Variants in TNKS2 observed in about 807,000 individuals in gnomAD.
The protein encoded by TNKS2 is poly [ADP-ribose] polymerase tankyrase-2.
In TNKS2, 72 loss-of-function variants were observed where a neutral mutation model predicts 137.6. The observed-to-expected ratio is 0.52, with a 90% confidence interval of 0.43 to 0.64. The LOEUF (loss-of-function observed/expected upper bound fraction) is 0.64. Ranked by LOEUF, TNKS2 falls within the 30% of genes least tolerant of loss-of-function variation. The probability of loss-of-function intolerance (pLI) is 0.00; values close to 1 mark genes in which losing one functional copy is unlikely to be tolerated. For missense variants in TNKS2, 1,049 were observed against 1,410.2 expected (o/e 0.74, Z 4.10); for synonymous variants, 516 against 512.1 (o/e 1.01, Z -0.10).
At chr10:91,855,715 T>A in intron 23 of TNKS2, 27 bp downstream of exon 23, 1 of 1,549,156 alleles carries the variant, frequency 6.5e-7, no homozygotes, top group Non-Finnish European at 8.9e-7. Flanking sequence ...AGTAAAGTTT[T>A]CTGAGACTGT....
intron 13 of TNKS2, 24 bp from the exon 14 acceptor site, chr10:91,840,537 T>G (rs201946788): frequency 4.4e-6 from 7 of 1,595,636 alleles, no homozygotes; most frequent in Non-Finnish European, 6.0e-6. Flanking sequence ...TGTAGTATCA[T>G]GTATGTTGTG....
At chr10:91,821,701 A>T (rs1490884713) in intron 6 of TNKS2, among the ~76,000 whole-genome samples, 1 of 152,238 alleles carries the variant, frequency 6.6e-6, no homozygotes, top group African/African-American at 2.4e-5. Flanking sequence ...AAAAAGTTTT[A>T]AAAATGAGCC....
intron 2 of TNKS2, among the ~76,000 whole-genome samples, chr10:91,814,704 A>G (rs1246040479): frequency 1.3e-5 from 2 of 152,220 alleles, no homozygotes; most frequent in African/African-American, 4.8e-5. Context: ...AGTATTCGGT[A>G]CAGTAACATG....
chr10:91,862,828 C>A (rs1464420649), intron 26 of TNKS2, 109 bp from the exon 27 acceptor site: 2 of 700,220 alleles, frequency 2.9e-6, no homozygotes, highest in African/African-American at 1.8e-5. Context: ...TTCTGATCTA[C>A]AACAGTAATT....
In TNKS2 at chr10:91,808,206, G is replaced by T. The variant is rs116200717; in HGVS notation, c.200-4777G>T. ...GGACTATTTTAGATGGGATGGTCAG[G>T]GATAGCCTTCTTAAGGAGGTGACAT... is the stretch of plus-strand genomic sequence containing the variant. On this transcript the variant is annotated intron_variant, in intron 1 of 26. Transcript: ENST00000371627. Among the ~76,000 whole-genome samples, 1,448 of 151,762 alleles carry T rather than the reference G, an allele frequency of 9.5e-3. 15 individuals carry two copies. Among genetic ancestry groups the T allele is most frequent in the African/African-American group, 0.033 (1,368 of 41,358 alleles).
intron 26 of TNKS2, 121 bp from the exon 27 acceptor site, chr10:91,862,816 G>C: frequency 1.6e-6 from 1 of 637,600 alleles, no homozygotes; most frequent in South Asian, 2.1e-5. Context: ...GTCCCTAGAT[G>C]ATTCTGATCT....
intron 9 of TNKS2, among the ~76,000 whole-genome samples, chr10:91,830,312 G>A (rs988612341): frequency 1.9e-4 from 29 of 152,142 alleles, no homozygotes; most frequent in African/African-American, 6.5e-4. Flanking sequence ...CCACCTCCCA[G>A]GTTCAAGTGA....
intron 21 of TNKS2, among the ~76,000 whole-genome samples, chr10:91,853,062 T>C (rs191496755): frequency 5.9e-5 from 9 of 152,346 alleles, no homozygotes; most frequent in African/African-American, 2.2e-4. Context: ...GTTGTAACTC[T>C]ACTGGAATAA....
chr10:91,849,328 C>A (rs190152788), intron 19 of TNKS2, among the ~76,000 whole-genome samples, 184 bp from the exon 20 acceptor site: 5 of 152,150 alleles, frequency 3.3e-5, no homozygotes, highest in African/African-American at 1.2e-4. Context: ...GAGACTGCCC[C>A]ATTGATTAGC....
chr10:91,845,452 A>G (rs1416541911), intron 17 of TNKS2, among the ~76,000 whole-genome samples: 1 of 152,226 alleles, frequency 6.6e-6, no homozygotes, highest in Non-Finnish European at 1.5e-5. Flanking sequence ...TGCTTTATAA[A>G]TTGACATTTA....
chr10:91,831,332 CT>C, intron 11 of TNKS2, 151 bp downstream of exon 11: 1 of 725,190 alleles, frequency 1.4e-6, no homozygotes, highest in Non-Finnish European at 2.3e-6. Context: ...TGCAGGTAAC[CT>C]TTTCTATATC....
Position 91,841,399 on chromosome 10 carries a change from A to G in TNKS2, c.1790A>G (p.His597Arg), listed in dbSNP as rs1235700081. 6.2e-7 allele frequency: 1 copy of G among 1,609,288 alleles called. No homozygotes were observed. Among genetic ancestry groups the G allele is most frequent in the Admixed American group, 1.7e-5 (1 of 59,312 alleles). The change falls in exon 15 of 27, where the codon CAT (histidine) becomes CGT (arginine). Residue 597 changes from histidine (H) to arginine (R), a missense_variant. His to Arg is a conservative substitution (Grantham distance 29). Around this residue, in one of 6 missense-constraint regions of TNKS2, gnomAD observed 328 missense variants for 436.0 expected, o/e 0.75. Transcript: ENST00000371627. ...GATTTATGGAAATTTACACCTTTAC[A>G]TGAAGCAGCAGCAAAAGGAAAATAT... ...VADLWKFTPL[H>R]EAAAKGKYEI...
In TNKS2 at chr10:91,844,942, G is replaced by A. The variant is rs1564624230; in HGVS notation, c.2083G>A (p.Ala695Thr). The change falls in exon 17 of 27, where the codon GCA becomes ACA. Residue 695 changes from alanine (A) to threonine (T), a missense_variant. By Grantham distance (58) the Ala-to-Thr change is moderately conservative. Transcript: ENST00000371627. ...LAAGYNNLEV[A>T]EYLLQHGADV... ...AGCTGGTTATAATAATTTAGAAGTT[G>A]CAGAGTATTTGTTACAACACGGAGC... 1.9e-6 allele frequency: 3 copies of A among 1,611,042 alleles called. No individual in the cohort carries two copies. Among genetic ancestry groups the A allele is most frequent in the Non-Finnish European group, 2.5e-6 (3 of 1,178,590 alleles).
chr10:91,852,163 G>A (rs1264039785), intron 21 of TNKS2, among the ~76,000 whole-genome samples: 11 of 147,292 alleles, frequency 7.5e-5, no homozygotes, highest in South Asian at 6.5e-4. Flanking sequence ...GGGAAGCGGA[G>A]CTTGCAGTGA....
rs1296102108 is a variant in TNKS2, at chr10:91,863,212, C to T, written c.*213C>T. ...ATTTCCTGTTTTTTCAGCACTTTAA[C>T]AGATGCCATTCCAGGTTAAACTGGG... On this transcript the variant is annotated 3_prime_UTR_variant, in exon 27 of 27. Coordinates refer to ENST00000371627, the MANE Select transcript of TNKS2 (RefSeq NM_025235.4). 9 of 444,826 alleles carry T rather than the reference C, an allele frequency of 2.0e-5. No individual in the cohort carries two copies. The highest frequency in any genetic ancestry group is 1.6e-4 in the African/African-American group (8 of 49,910). 27.6% of individuals were successfully genotyped at this position (444,826 alleles called of 1,614,324 possible). A position where few individuals can be genotyped will look rare whatever the true frequency, so the allele number is the denominator to read the frequency against.
chr10:91,812,192 A>G (rs894448005), intron 1 of TNKS2, among the ~76,000 whole-genome samples: 13 of 152,200 alleles, frequency 8.5e-5, no homozygotes, highest in African/African-American at 3.1e-4. Context: ...TTTCAAAGCT[A>G]GGTGTAAAAA....
chr10:91,860,050 C>G (rs1248827151), intron 25 of TNKS2, among the ~76,000 whole-genome samples: 1 of 152,132 alleles, frequency 6.6e-6, no homozygotes, highest in Non-Finnish European at 1.5e-5. Flanking sequence ...CTGAGCCTCT[C>G]TTCCACTGTG....
intron 1 of TNKS2, 67 bp downstream of exon 1, chr10:91,798,956 T>C: frequency 7.7e-7 from 1 of 1,292,030 alleles, no homozygotes; most frequent in South Asian, 2.5e-5. Context: ...CCCACAGGTC[T>C]GAAACCAGTG....
At chr10:91,852,499 G>A (rs979606795) in intron 21 of TNKS2, among the ~76,000 whole-genome samples, 1 of 152,224 alleles carries the variant, frequency 6.6e-6, no homozygotes, top group Non-Finnish European at 1.5e-5. Flanking sequence ...GGCGGAACTT[G>A]CAGTGAGTTG....
Sources: allele counts gnomAD v4.1 joint callset (sites outside exome capture counted in the v4.1 genomes callset), GRCh38; gene constraint gnomAD v4.1.1; regional missense constraint gnomAD v4.1.1; transcripts MANE v1.5; gene names NCBI Gene and HGNC (gene_info 2026-07-23, HGNC 2026-07-21).